ROBO2: variants seen among roughly 807,000 people sequenced by gnomAD.
ROBO2 encodes roundabout guidance receptor 2.
ROBO2 carries 53 observed loss-of-function variants against 160.8 expected under a neutral mutation model. That is an observed-to-expected ratio of 0.33 (90% CI 0.26 to 0.41). The LOEUF (loss-of-function observed/expected upper bound fraction) is 0.41. Ranked by LOEUF, ROBO2 falls within the 10% of genes least tolerant of loss-of-function variation. The pLI, the probability that ROBO2 is intolerant of heterozygous loss-of-function variation, is 1.00. For missense variants in ROBO2, 1,577 were observed against 1,722.4 expected (o/e 0.92, Z 1.49); for synonymous variants, 664 against 611.7 (o/e 1.09, Z -1.26).
intron 2 of ROBO2, among the ~76,000 whole-genome samples, chr3:76,399,203 A>C (rs1276988755): frequency 6.6e-6 from 1 of 151,838 alleles, no homozygotes; most frequent in Non-Finnish European, 1.5e-5. Flanking sequence ...TTAAAGATAC[A>C]GAGCTGTAAC....
At chr3:75,922,913 C>T (rs1947129403) in intron 1 of ROBO2, among the ~76,000 whole-genome samples, 2 of 152,036 alleles carry the variant, frequency 1.3e-5, no homozygotes, top group Non-Finnish European at 2.9e-5. Context: ...ATGTTCATAC[C>T]TGGATAATAT....
intron 2 of ROBO2, among the ~76,000 whole-genome samples, chr3:77,164,125 AT>A (rs1434483719): frequency 2.0e-5 from 3 of 152,206 alleles, no homozygotes; most frequent in African/African-American, 4.8e-5. Context: ...AGATGTAACC[AT>A]TGGTGGAAAC....
At chr3:77,183,252 C>T (rs1441215495) in intron 2 of ROBO2, among the ~76,000 whole-genome samples, 1 of 152,094 alleles carries the variant, frequency 6.6e-6, no homozygotes, top group Non-Finnish European at 1.5e-5. Flanking sequence ...ATTCCACATT[C>T]TCCAATGTTG....
intron 2 of ROBO2, among the ~76,000 whole-genome samples, chr3:76,328,987 T>G (rs1328788038): frequency 6.6e-6 from 1 of 150,944 alleles, no homozygotes; most frequent in African/African-American, 2.4e-5. Flanking sequence ...AGTAAAGATT[T>G]CCAAACAGAT....
intron 2 of ROBO2, among the ~76,000 whole-genome samples, chr3:76,377,579 C>G (rs934175904): frequency 2.6e-5 from 4 of 152,156 alleles, no homozygotes; most frequent in African/African-American, 7.2e-5. Flanking sequence ...CTCCTTGCTT[C>G]CAGCTTTCTT....
At chr3:76,562,837 A>G (rs1375432673) in intron 2 of ROBO2, among the ~76,000 whole-genome samples, 3 of 152,098 alleles carry the variant, frequency 2.0e-5, no homozygotes, top group Non-Finnish European at 4.4e-5. Flanking sequence ...CAATTCAATG[A>G]ATATATATTG....
chr3:76,248,678 T>A (rs1705790660), intron 2 of ROBO2, among the ~76,000 whole-genome samples: 1 of 151,194 alleles, frequency 6.6e-6, no homozygotes, highest in Admixed American at 6.6e-5. Context: ...AAAAAAGAAA[T>A]TCTTCCAGAC....
intron 2 of ROBO2, among the ~76,000 whole-genome samples, chr3:76,148,440 A>G (rs1316849308): frequency 6.6e-6 from 1 of 152,072 alleles, no homozygotes; most frequent in African/African-American, 2.4e-5. Context: ...GGATGCTATA[A>G]TACCTCCAAA....
intron 2 of ROBO2, among the ~76,000 whole-genome samples, chr3:76,489,622 T>C (rs1378390594): frequency 6.6e-6 from 1 of 152,176 alleles, no homozygotes. Flanking sequence ...TATTTATAAC[T>C]TCTCACATGG....
At chr3:77,515,304 A>G (rs1233427314) in intron 5 of ROBO2, among the ~76,000 whole-genome samples, 1 of 151,694 alleles carries the variant, frequency 6.6e-6, no homozygotes, top group African/African-American at 2.4e-5. Context: ...TAGTGTCTGC[A>G]TGGTGTACAA....
At chr3:76,682,185 G>T (rs1356382027) in intron 2 of ROBO2, among the ~76,000 whole-genome samples, 1 of 151,950 alleles carries the variant, frequency 6.6e-6, no homozygotes, top group African/African-American at 2.4e-5. Flanking sequence ...GAAGGGGAAA[G>T]AAAAAGGGAG....
At chr3:77,359,008 G>A (rs2069538297) in intron 2 of ROBO2, among the ~76,000 whole-genome samples, 1 of 152,166 alleles carries the variant, frequency 6.6e-6, no homozygotes, top group East Asian at 1.9e-4. Context: ...TTCTCTGACT[G>A]AAAGCCTTAA....
At chr3:77,369,278 G>C (rs147990863) in intron 2 of ROBO2, among the ~76,000 whole-genome samples, 57 of 152,192 alleles carry the variant, frequency 3.7e-4, no homozygotes, top group African/African-American at 1.3e-3. Flanking sequence ...ATTTAATGAA[G>C]TCCTCACTCT....
chr3:76,730,054 G>C (rs1425644790), intron 2 of ROBO2, among the ~76,000 whole-genome samples: 1 of 152,040 alleles, frequency 6.6e-6, no homozygotes, highest in Non-Finnish European at 1.5e-5. Context: ...AAGCATCAAC[G>C]TTTGTCTTCA....
At chr3:76,671,756 A>T (rs747037562) in intron 2 of ROBO2, among the ~76,000 whole-genome samples, 5 of 152,062 alleles carry the variant, frequency 3.3e-5, no homozygotes, top group African/African-American at 4.8e-5. Flanking sequence ...ATCAGTACAT[A>T]AACTTTTGTG....
intron 1 of ROBO2, 115 bp from the exon 2 acceptor site, chr3:77,097,899 A>G: frequency 1.1e-6 from 1 of 934,570 alleles, no homozygotes; most frequent in South Asian, 2.0e-5. Flanking sequence ...GAAACATAAA[A>G]TAATGTTCAG....
rs1327752438 is a variant in ROBO2 at position 76,185,956 on chromosome 3, C to A, written c.109+248354C>A. Among the ~76,000 whole-genome samples, 7 of 105,744 alleles carry A rather than the reference C, an allele frequency of 6.6e-5. No individual in the cohort carries two copies. The East Asian group carries it at 1.3e-3, about 20-fold the overall frequency. 69.4% of individuals were successfully genotyped at this position (105,744 alleles called of 152,430 possible). A position where few individuals can be genotyped will look rare whatever the true frequency, so the allele number is the denominator to read the frequency against. ...CACAGATTTTTTTTTTTTTTTGAGA[C>A]AGGGTCTCACTCTGTTGCCCAGGCT... On this transcript the variant is annotated intron_variant, in intron 2 of 26. Transcript: ENST00000487694.
chr3:77,108,634 G>A (rs2073175502), intron 2 of ROBO2, among the ~76,000 whole-genome samples: 1 of 152,134 alleles, frequency 6.6e-6, no homozygotes, highest in African/African-American at 2.4e-5. Context: ...GTGATGTAGG[G>A]TAGGGGCCTT....
intron 2 of ROBO2, among the ~76,000 whole-genome samples, chr3:77,283,869 T>G (rs981902484): frequency 6.6e-6 from 1 of 152,186 alleles, no homozygotes; most frequent in Non-Finnish European, 1.5e-5. Context: ...GAATCCACAT[T>G]GGAATAGCTA....
Sources: allele counts gnomAD v4.1 joint callset (sites outside exome capture counted in the v4.1 genomes callset), GRCh38; gene constraint gnomAD v4.1.1; transcripts MANE v1.5; gene names NCBI Gene and HGNC (gene_info 2026-07-23, HGNC 2026-07-21).